Variants in DPP10 observed in about 807,000 individuals in gnomAD.
DPP10 encodes the protein dipeptidyl peptidase like 10.
DPP10 carries 33 observed loss-of-function variants against 120.9 expected under a neutral mutation model. That is an observed-to-expected ratio of 0.27 (90% CI 0.21 to 0.37). The LOEUF (loss-of-function observed/expected upper bound fraction) is 0.37. DPP10 is among the 10% of genes least tolerant of loss of function. DPP10 has a pLI of 1.00. For missense variants in DPP10, 816 were observed against 942.8 expected, an observed-to-expected ratio of 0.87 and a Z score of 1.76; for synonymous variants, 337 against 326.1, an observed-to-expected ratio of 1.03 and a Z score of -0.36.
intron 1 of DPP10, among the ~76,000 whole-genome samples, chr2:114,460,342 T>C (rs1482662207): frequency 6.6e-6 from 1 of 152,180 alleles, no homozygotes; most frequent in African/African-American, 2.4e-5. Context: ...TTTGGTATAG[T>C]ACTGACTTTT....
chr2:114,874,387 A>G (rs1322757501), intron 1 of DPP10, among the ~76,000 whole-genome samples: 2 of 152,130 alleles, frequency 1.3e-5, no homozygotes, highest in Non-Finnish European at 2.9e-5. Context: ...AAGCATCCAA[A>G]AGCCTGCTTC....
chr2:115,525,821 ATT>A, intron 4 of DPP10, 75 bp from the exon 5 acceptor site: 1 of 1,100,748 alleles, frequency 9.1e-7, no homozygotes, highest in Non-Finnish European at 1.3e-6. Flanking sequence ...ATGAAAATTG[ATT>A]TTTTTTTACA....
chr2:115,015,501 G>A (rs1197776935), intron 1 of DPP10, among the ~76,000 whole-genome samples: 4 of 152,164 alleles, frequency 2.6e-5, no homozygotes, highest in African/African-American at 4.8e-5. Context: ...TTCTGGCCAG[G>A]GCAATCAGGC....
chr2:115,024,321 A>G (rs1368740836), intron 1 of DPP10, among the ~76,000 whole-genome samples: 1 of 152,048 alleles, frequency 6.6e-6, no homozygotes, highest in Admixed American at 6.6e-5. Flanking sequence ...GTGAATATTG[A>G]TACGGTTGCT....
chr2:115,744,972 G>A (rs1176257602), intron 9 of DPP10, among the ~76,000 whole-genome samples: 1 of 150,060 alleles, frequency 6.7e-6, no homozygotes, highest in East Asian at 1.9e-4. Context: ...TACCTTATTG[G>A]TACTTAATGG....
chr2:115,403,833 T>C (rs970651143), intron 3 of DPP10, among the ~76,000 whole-genome samples: 1 of 152,202 alleles, frequency 6.6e-6, no homozygotes, highest in Non-Finnish European at 1.5e-5. Context: ...GATGATCTTA[T>C]GTGTAAAACA....
At chr2:115,831,287 C>T (rs1309067588) in intron 21 of DPP10, among the ~76,000 whole-genome samples, 6 of 152,060 alleles carry the variant, frequency 3.9e-5, no homozygotes, top group East Asian at 1.9e-4. Flanking sequence ...CTTACTCAGT[C>T]GCCCAGGCTG....
Position 115,010,436 on chromosome 2 carries a change from A to G in DPP10, c.61-298803A>G, listed in dbSNP as rs1702179859. 2.0e-5 allele frequency among the ~76,000 whole-genome samples: 3 copies of G among 152,302 alleles called. No homozygotes were observed. In the South Asian group the frequency reaches 6.2e-4, roughly 32 times the overall value. ...TGATGTATTTTTATTGCTGAGAATA[A>G]AAACAGATGTGACAATGCCCAGGTG... is the stretch of plus-strand genomic sequence containing the variant. On this transcript the variant is annotated intron_variant, in intron 1 of 25. Transcript: ENST00000410059.
At chr2:115,228,892 TTGG>T (rs563344734) in intron 1 of DPP10, among the ~76,000 whole-genome samples, 3 of 152,244 alleles carry the variant, frequency 2.0e-5, no homozygotes, top group African/African-American at 7.2e-5. Context: ...GGGTGTATAC[TTGG>T]TGGTGGGGTT....
chr2:114,813,036 T>C (rs976520227), intron 1 of DPP10, among the ~76,000 whole-genome samples: 6 of 152,192 alleles, frequency 3.9e-5, no homozygotes, highest in African/African-American at 1.4e-4. Context: ...CATATAAAAT[T>C]AAGCCCACGA....
intron 1 of DPP10, among the ~76,000 whole-genome samples, chr2:115,271,449 G>T (rs1395059224): frequency 6.6e-6 from 1 of 152,114 alleles, no homozygotes; most frequent in East Asian, 1.9e-4. Context: ...TCTTTGCTCA[G>T]CAGGTTGTTG....
At chr2:114,685,362 C>G (rs1267523275) in intron 1 of DPP10, among the ~76,000 whole-genome samples, 1 of 151,950 alleles carries the variant, frequency 6.6e-6, no homozygotes, top group Non-Finnish European at 1.5e-5. Context: ...ACTGCCTGAT[C>G]CCTGCTACTC....
chr2:114,926,192 C>G (rs1695606416), intron 1 of DPP10, among the ~76,000 whole-genome samples: 1 of 152,022 alleles, frequency 6.6e-6, no homozygotes, highest in South Asian at 2.1e-4. Flanking sequence ...TGCCTTTATA[C>G]CATTTAAGGG....
At chr2:115,068,281 G>A (rs975476005) in intron 1 of DPP10, among the ~76,000 whole-genome samples, 5 of 150,698 alleles carry the variant, frequency 3.3e-5, no homozygotes, top group African/African-American at 1.2e-4. Flanking sequence ...ACAGGTGTGA[G>A]GTTATTGTGG....
chr2:114,514,044 G>T (rs913963033), intron 1 of DPP10, among the ~76,000 whole-genome samples: 3 of 152,100 alleles, frequency 2.0e-5, no homozygotes, highest in African/African-American at 7.2e-5. Flanking sequence ...CCTCCCCTTC[G>T]CTGTCCTTCT....
chr2:115,073,614 C>T (rs1242513260), intron 1 of DPP10, among the ~76,000 whole-genome samples: 1 of 152,220 alleles, frequency 6.6e-6, no homozygotes, highest in Non-Finnish European at 1.5e-5. Flanking sequence ...AACAGCCTGT[C>T]TAGAAGAGCA....
chr2:115,096,481 G>A (rs1011737712), intron 1 of DPP10, among the ~76,000 whole-genome samples: 4 of 152,106 alleles, frequency 2.6e-5, no homozygotes, highest in Non-Finnish European at 4.4e-5. Flanking sequence ...ACAGTAGGTA[G>A]ATTAGAGATA....
intron 1 of DPP10, among the ~76,000 whole-genome samples, chr2:114,603,908 A>G (rs1440838686): frequency 6.6e-6 from 1 of 152,106 alleles, no homozygotes; most frequent in Non-Finnish European, 1.5e-5. Context: ...TCTTGTAGTC[A>G]TATATATAGC....
chr2:115,286,313 GA>G (rs2060368633), intron 1 of DPP10, among the ~76,000 whole-genome samples: 2 of 150,500 alleles, frequency 1.3e-5, no homozygotes, highest in Non-Finnish European at 3.0e-5. Flanking sequence ...AGAATGCTGG[GA>G]AAAACTGATG....
Sources: gnomAD v4.1 joint callset for allele counts (sites outside exome capture counted in the v4.1 genomes callset) on GRCh38, gnomAD v4.1.1 for gene constraint, MANE v1.5 for transcripts, NCBI Gene and HGNC (gene_info 2026-07-23, HGNC 2026-07-21) for gene names.